Variants in DIMT1 observed in about 807,000 individuals in gnomAD.
The protein encoded by DIMT1 is DIM1 rRNA methyltransferase and ribosome maturation factor, also known as dimethyladenosine transferase.
DIMT1 carries 36 observed loss-of-function variants against 43.2 expected under a neutral mutation model. The ratio of observed to expected loss-of-function variants is 0.83; its 90% CI spans 0.64 to 1.10. The LOEUF (loss-of-function observed/expected upper bound fraction) is 1.10, where lower values mean the gene tolerates loss of function less well. Ranked by LOEUF, DIMT1 falls within the 50% of genes least tolerant of loss-of-function variation. DIMT1 has a pLI of 0.00. For missense variants in DIMT1, 341 were observed against 385.3 expected, an observed-to-expected ratio of 0.88 and a Z score of 0.96; for synonymous variants, 126 against 130.3, an observed-to-expected ratio of 0.97 and a Z score of 0.22.
At chr5:62,401,995 C>A in intron 3 of DIMT1, 41 bp downstream of exon 3, 1 of 1,583,786 alleles carries the variant, frequency 6.3e-7, no homozygotes, top group Non-Finnish European at 8.7e-7. Context: ...AGCTTGCTAA[C>A]ATAGTCATTT....
chr5:62,393,043 T>C, intron 8 of DIMT1, 53 bp from the exon 9 acceptor site: 3 of 1,189,324 alleles, frequency 2.5e-6, no homozygotes, highest in Non-Finnish European at 3.7e-6. Flanking sequence ...TGTTCTTGTC[T>C]ATGCCCACTA....
Position 62,395,808 on chromosome 5 carries a change from A to G in DIMT1, c.447-1201T>C, listed in dbSNP as rs1307969372. 2.0e-5 allele frequency among the ~76,000 whole-genome samples: 3 copies of G among 151,960 alleles called. No homozygotes were observed. The East Asian group carries it at 5.8e-4, about 29-fold the overall frequency. On this transcript the variant is annotated intron_variant, in intron 6 of 11. Coordinates refer to ENST00000199320, the MANE Select transcript of DIMT1 (RefSeq NM_014473.4). ...CGCTTGAGCTCAGGAGTTCAAGACC[A>G]GCCTGGGCTGAACATGGTGAGACCC...
Position 62,403,856 on chromosome 5 carries a change from G to A in DIMT1, c.-84C>T. 2.9e-6 allele frequency: 4 copies of A among 1,369,606 alleles called. No homozygotes were observed. Among genetic ancestry groups the A allele is most frequent in the Non-Finnish European group, 4.0e-6 (4 of 997,358 alleles). 84.8% of individuals were successfully genotyped at this position (1,369,606 alleles called of 1,614,324 possible). A position where few individuals can be genotyped will look rare whatever the true frequency, so the allele number is the denominator to read the frequency against. On this transcript the variant is annotated 5_prime_UTR_variant, in exon 1 of 12. Coordinates refer to ENST00000199320, the MANE Select transcript of DIMT1 (RefSeq NM_014473.4). Reference sequence around the variant, plus strand: ...GTGAGAAAGCCACCACGTGGGGATCGCCGCCACGCGCCGCCCGCACCACTC... The same window carrying A: ...GTGAGAAAGCCACCACGTGGGGATCACCGCCACGCGCCGCCCGCACCACTC...
At chr5:62,394,275 G>A (rs6893193) in intron 7 of DIMT1, among the ~76,000 whole-genome samples, 2,496 of 152,218 alleles carry the variant, frequency 0.016, 59 homozygotes, top group African/African-American at 0.058. Context: ...AGACCAACCT[G>A]GGCAACATAG....
chr5:62,400,332 C>T (rs749841925), intron 3 of DIMT1, among the ~76,000 whole-genome samples: 1 of 151,880 alleles, frequency 6.6e-6, no homozygotes, highest in African/African-American at 2.4e-5. Context: ...ACTGCTGCCT[C>T]GAAGTCTTGG....
At chr5:62,398,774 G>T in intron 4 of DIMT1, 35 bp from the exon 5 acceptor site, 2 of 1,613,686 alleles carry the variant, frequency 1.2e-6, no homozygotes, top group Non-Finnish European at 1.7e-6. Context: ...AAAGAATGTT[G>T]TTTCATGAGA....
chr5:62,395,009 G>A (rs908123578), intron 6 of DIMT1, among the ~76,000 whole-genome samples: 1 of 151,454 alleles, frequency 6.6e-6, no homozygotes, highest in Admixed American at 6.6e-5. Flanking sequence ...TTGATTTGAC[G>A]GGTTAAAAGA....
chr5:62,396,350 A>T (rs1442356789), intron 6 of DIMT1, among the ~76,000 whole-genome samples: 1 of 151,984 alleles, frequency 6.6e-6, no homozygotes, highest in Non-Finnish European at 1.5e-5. Context: ...TCTAAAAAAA[A>T]TACAACAATT....
chr5:62,392,127 A>T (rs764814442), intron 10 of DIMT1, 44 bp downstream of exon 10: 2 of 1,607,128 alleles, frequency 1.2e-6, no homozygotes, highest in Non-Finnish European at 1.7e-6. Context: ...GACATTTTAA[A>T]AGAAAACAAA....
chr5:62,391,854 TG>T (rs1224111600), intron 10 of DIMT1: 2 of 1,481,618 alleles, frequency 1.3e-6, no homozygotes, highest in Non-Finnish European at 1.8e-6. Context: ...TATTTTAAGT[TG>T]TGCAAGCTAC....
At chr5:62,394,432 C>T in intron 7 of DIMT1, 52 bp downstream of exon 7, 1 of 1,587,054 alleles carries the variant, frequency 6.3e-7, no homozygotes, top group Non-Finnish European at 8.6e-7. Context: ...GCCTGGGTGA[C>T]AGAGTGAGAT....
Position 62,401,919 on chromosome 5 carries a change from G to A in DIMT1, c.240+117C>T, listed in dbSNP as rs1742722301. 8.0e-6 allele frequency: 8 copies of A among 996,744 alleles called. No homozygotes were observed. The South Asian group carries it at 9.2e-5, about 12-fold the overall frequency. The allele number at this position is 996,744 out of a possible 1,614,324, so 61.7% of individuals were successfully genotyped here. On this transcript the variant is annotated intron_variant, in intron 3 of 11. Transcript: ENST00000199320. The stretch of plus-strand genomic sequence containing the variant: ...TTTTCTAAGACAAAATTTCCAACAA[G>A]GGATCAGGAGTTACTACTAAAATAA...
At position 62,388,350 on chromosome 5, in the gene DIMT1, C is replaced by T. The variant is rs996133678; in HGVS notation, c.*660G>A. On this transcript the variant is annotated 3_prime_UTR_variant, in exon 12 of 12. Transcript: ENST00000199320. ...ATTCCAGTTTAGCTTCCTCATTTTA[C>T]ATGTTGGGAGTCATGCCCTTTAATA... 2.6e-5 allele frequency: 4 copies of T among 152,210 alleles called. No homozygotes were observed. Among genetic ancestry groups the T allele is most frequent in the East Asian group, 1.9e-4 (1 of 5,204 alleles). The allele number at this position is 152,210 out of a possible 1,614,324, so 9.4% of individuals were successfully genotyped here.
At position 62,392,232 on chromosome 5, in the gene DIMT1, G is replaced by T; in HGVS notation, c.731C>A (p.Ser244Ter). The change falls in exon 10 of 12, where the codon TCA becomes TAA. Residue 244 changes from serine (S) to a stop codon, truncating the protein, a stop_gained and splice_region_variant. Coordinates refer to ENST00000199320, the MANE Select transcript of DIMT1 (RefSeq NM_014473.4). LOFTEE classifies it high-confidence loss of function. ...TTCCAAGAGTTGTTGCACTGCACTT[G>T]ATCTATAGCATAAAGAAGTGATGCC... ...KNKTLSAAFKSSAVQQLLEKN... is the reference protein window; with the variant it reads ...KNKTLSAAFK 6.2e-7 allele frequency: 1 copy of T among 1,612,866 alleles called. No homozygotes were observed. The highest frequency in any genetic ancestry group is 1.3e-5 in the African/African-American group (1 of 74,994).
At chr5:62,396,108 G>C (rs957473075) in intron 6 of DIMT1, among the ~76,000 whole-genome samples, 2 of 140,792 alleles carry the variant, frequency 1.4e-5, no homozygotes, top group African/African-American at 2.7e-5. Context: ...AAAAAACTGA[G>C]GCTCTGGGGA....
chr5:62,401,723 C>T (rs1240136685), intron 3 of DIMT1, among the ~76,000 whole-genome samples: 2 of 150,636 alleles, frequency 1.3e-5, no homozygotes, highest in Non-Finnish European at 3.0e-5. Context: ...GCTGGGACTA[C>T]AGGCACCTGC....
intron 8 of DIMT1, 21 bp downstream of exon 8, chr5:62,393,934 G>A: frequency 6.3e-7 from 1 of 1,587,972 alleles, no homozygotes; most frequent in Non-Finnish European, 8.5e-7. Context: ...TTTATTGAAT[G>A]AGCTAGTATT....
rs1188274663 is a variant in DIMT1, at chr5:62,403,823, G to A, written c.-51C>T. On this transcript the variant is annotated 5_prime_UTR_variant, in exon 1 of 12. Coordinates refer to ENST00000199320, the MANE Select transcript of DIMT1 (RefSeq NM_014473.4). ...CCGGGACGTCAAGGAGGACCAAAGA[G>A]GGCTAGCGTGAGAAAGCCACCACGT... 1.3e-6 allele frequency: 2 copies of A among 1,574,402 alleles called. No homozygotes were observed. Among genetic ancestry groups the A allele is most frequent in the Admixed American group, 1.8e-5 (1 of 55,110 alleles).
chr5:62,398,486 G>C, intron 6 of DIMT1, 25 bp downstream of exon 6: 1 of 1,606,182 alleles, frequency 6.2e-7, no homozygotes, highest in Non-Finnish European at 8.5e-7. Context: ...AAATTTGGCA[G>C]TAACTCTAGT....
Sources: gnomAD v4.1 joint callset for allele counts (sites outside exome capture counted in the v4.1 genomes callset) on GRCh38, gnomAD v4.1.1 for gene constraint, MANE v1.5 for transcripts, NCBI Gene and HGNC (gene_info 2026-07-23, HGNC 2026-07-21) for gene names.